The following HLCS variants were observed in gnomAD, a reference collection of about 807,000 sequenced individuals.
HLCS encodes biotin--protein ligase.
A neutral mutation model predicts 75.0 loss-of-function variants in HLCS; 53 were observed. The ratio of observed to expected loss-of-function variants is 0.71; its 90% CI spans 0.57 to 0.89. The LOEUF (loss-of-function observed/expected upper bound fraction) is 0.89, where lower values mean the gene tolerates loss of function less well. HLCS is among the 40% of genes least tolerant of loss of function. The pLI, the probability that HLCS is intolerant of heterozygous loss-of-function variation, is 0.00. For synonymous variants in HLCS, 431 were observed against 428.6 expected (o/e 1.01, Z -0.07); for missense variants, 966 against 1,074.0 (o/e 0.90, Z 1.41).
At chr21:36,818,886 T>C (rs1194105282) in intron 6 of HLCS, among the ~76,000 whole-genome samples, 8 of 152,164 alleles carry the variant, frequency 5.3e-5, no homozygotes, top group Non-Finnish European at 2.9e-5. Flanking sequence ...AGACAGTTCA[T>C]AGCGGTGGGC....
chr21:36,865,109 G>C (rs2063510645), intron 6 of HLCS, among the ~76,000 whole-genome samples: 1 of 151,900 alleles, frequency 6.6e-6, no homozygotes. Flanking sequence ...TGTGGGGCGG[G>C]GCAGGGTGGG....
chr21:36,806,412 T>C (rs2061361047), intron 6 of HLCS: 1 of 152,028 alleles, frequency 6.6e-6, no homozygotes, highest in Admixed American at 6.6e-5. Context: ...CTCTGGACTC[T>C]AGATCACAAT....
At chr21:36,926,741 C>CT (rs34057978) in intron 5 of HLCS, among the ~76,000 whole-genome samples, 45,185 of 127,044 alleles carry the variant, frequency 0.36, 9,638 homozygotes, top group South Asian at 0.48. Context: ...GTCTTGTTTC[C>CT]TTTTTTTTTT....
intron 5 of HLCS, among the ~76,000 whole-genome samples, chr21:36,909,152 G>A (rs921512012): frequency 2.0e-5 from 3 of 151,964 alleles, no homozygotes; most frequent in African/African-American, 4.8e-5. Flanking sequence ...AGCCTAGATC[G>A]CGCCACTGCA....
At chr21:36,878,110 TG>T (rs1332352018) in intron 6 of HLCS, among the ~76,000 whole-genome samples, 1 of 152,130 alleles carries the variant, frequency 6.6e-6, no homozygotes, top group Non-Finnish European at 1.5e-5. Flanking sequence ...TTCTTGAGCC[TG>T]GAAATTTATG....
chr21:36,902,573 G>C (rs1035345645), intron 5 of HLCS, among the ~76,000 whole-genome samples: 1 of 152,244 alleles, frequency 6.6e-6, no homozygotes, highest in Non-Finnish European at 1.5e-5. Context: ...TGGGAATCCT[G>C]GTGCTGGCAG....
At chr21:36,775,183 C>T (rs537857994) in intron 6 of HLCS, among the ~76,000 whole-genome samples, 1 of 152,358 alleles carries the variant, frequency 6.6e-6, no homozygotes, top group Non-Finnish European at 1.5e-5. Flanking sequence ...GGCATACCTG[C>T]CCTTCTTACG....
intron 5 of HLCS, among the ~76,000 whole-genome samples, chr21:36,902,573 G>A (rs1035345645): frequency 3.9e-5 from 6 of 152,244 alleles, no homozygotes; most frequent in African/African-American, 1.2e-4. Flanking sequence ...TGGGAATCCT[G>A]GTGCTGGCAG....
intron 8 of HLCS, among the ~76,000 whole-genome samples, chr21:36,761,540 G>A (rs1429003860): frequency 6.6e-6 from 1 of 152,048 alleles, no homozygotes; most frequent in Admixed American, 6.6e-5. Context: ...AGTGGGAGAG[G>A]GGTGGATTTG....
chr21:36,927,884 T>A (rs1293609996), intron 5 of HLCS, among the ~76,000 whole-genome samples: 1 of 152,302 alleles, frequency 6.6e-6, no homozygotes, highest in East Asian at 1.9e-4. Context: ...AGCCCAGGCA[T>A]CCAATCCCTA....
At chr21:36,802,878 T>C (rs1251088241) in intron 6 of HLCS, among the ~76,000 whole-genome samples, 1 of 152,186 alleles carries the variant, frequency 6.6e-6, no homozygotes, top group African/African-American at 2.4e-5. Flanking sequence ...ACAGGGAGTG[T>C]TTCAAAACTG....
chr21:36,800,856 G>T (rs1231591680), intron 6 of HLCS, among the ~76,000 whole-genome samples: 1 of 152,080 alleles, frequency 6.6e-6, no homozygotes, highest in African/African-American at 2.4e-5. Flanking sequence ...ACCAAGAATA[G>T]CAAGTTCAGT....
chr21:36,966,711 C>G (rs1277280934), upstream of HLCS: 1 of 760,016 alleles, frequency 1.3e-6, no homozygotes, highest in African/African-American at 1.9e-5. Flanking sequence ...CCGCCCCGGC[C>G]GGAAGGGCCG....
At chr21:36,805,486 T>C (rs1198169936) in intron 6 of HLCS, among the ~76,000 whole-genome samples, 1 of 152,186 alleles carries the variant, frequency 6.6e-6, no homozygotes, top group Non-Finnish European at 1.5e-5. Flanking sequence ...TGATTGAACG[T>C]GGCTGCTAAT....
intron 6 of HLCS, among the ~76,000 whole-genome samples, chr21:36,866,781 G>T (rs1001847244): frequency 5.3e-5 from 8 of 151,268 alleles, no homozygotes; most frequent in African/African-American, 1.5e-4. Context: ...GGGTAACTAA[G>T]TAGAAATAAA....
intron 6 of HLCS, among the ~76,000 whole-genome samples, chr21:36,845,173 C>T (rs2062753576): frequency 2.0e-5 from 3 of 152,152 alleles, no homozygotes; most frequent in African/African-American, 7.2e-5. Flanking sequence ...AAAGAAGTCA[C>T]TGCACACCTT....
chr21:36,774,004 A>T (rs1185449249), intron 6 of HLCS, among the ~76,000 whole-genome samples: 1 of 152,184 alleles, frequency 6.6e-6, no homozygotes, highest in Non-Finnish European at 1.5e-5. Flanking sequence ...GATTTTTTTT[A>T]AGCTACTTTC....
chr21:36,823,937 A>G (rs889876761), intron 6 of HLCS, among the ~76,000 whole-genome samples: 2 of 152,150 alleles, frequency 1.3e-5, no homozygotes, highest in Non-Finnish European at 2.9e-5. Context: ...CACTGATGCC[A>G]TGTTTGCTGG....
intron 6 of HLCS, among the ~76,000 whole-genome samples, chr21:36,869,097 AATTTATTTATTT>A (rs71198837): frequency 0.011 from 1,164 of 109,112 alleles, 20 homozygotes; most frequent in African/African-American, 0.043. Context: ...AAAGATGTTT[AATTTATTTATTT>A]ATTTATTTAT....
Sources: allele counts gnomAD v4.1 joint callset (sites outside exome capture counted in the v4.1 genomes callset), GRCh38; gene constraint gnomAD v4.1.1; transcripts MANE v1.5; gene names NCBI Gene and HGNC (gene_info 2026-07-23, HGNC 2026-07-21).